The following FTO variants were observed in gnomAD, a reference collection of about 807,000 sequenced individuals.
The protein encoded by FTO is FTO alpha-ketoglutarate dependent dioxygenase.
In FTO, 47 loss-of-function variants were observed where a neutral mutation model predicts 63.9. The observed-to-expected ratio is 0.74, with a 90% confidence interval of 0.58 to 0.94. The LOEUF (loss-of-function observed/expected upper bound fraction) is 0.94. Among genes scored for constraint, FTO ranks in the 40% least tolerant of loss-of-function variants. The probability of loss-of-function intolerance (pLI) is 0.00; values close to 1 mark genes in which losing one functional copy is unlikely to be tolerated. For synonymous variants in FTO, 207 were observed against 224.4 expected (o/e 0.92, Z 0.69); for missense variants, 562 against 618.1 (o/e 0.91, Z 0.96).
At chr16:53,753,381 A>G (rs1017551942) in intron 1 of FTO, among the ~76,000 whole-genome samples, 6 of 151,806 alleles carry the variant, frequency 4.0e-5, no homozygotes, top group Non-Finnish European at 8.8e-5. Context: ...TATAGGATTT[A>G]TAGCTGCTCC....
rs542534780 is a variant in FTO, at chr16:54,023,833, C to A, written c.1365-87929C>A. Among the ~76,000 whole-genome samples the A allele has an allele frequency of 2.8e-3, 422 of 152,210 alleles. 4 individuals are homozygous for A. The highest frequency in any genetic ancestry group is 4.9e-3 in the Non-Finnish European group (332 of 68,016). On this transcript the variant is annotated intron_variant, in intron 8 of 8. Transcript: ENST00000471389. ...ACTCTCCTAATACAGCTATTTTTAC[C>A]TTGAAAGTTAATTTCCAGCCATTGA...
intron 1 of FTO, among the ~76,000 whole-genome samples, chr16:53,710,856 G>C (rs2075754322): frequency 6.6e-6 from 1 of 151,770 alleles, no homozygotes; most frequent in South Asian, 2.1e-4. Flanking sequence ...TTTCCATTTT[G>C]CTGTCATCCA....
At chr16:53,810,259 C>A in intron 2 of FTO, 42 bp downstream of exon 2, 2 of 1,354,504 alleles carry the variant, frequency 1.5e-6, no homozygotes, top group South Asian at 1.2e-5. Flanking sequence ...GTGATGTGTT[C>A]TGATCAACCT....
intron 8 of FTO, chr16:53,998,822 T>C (rs1306063933): frequency 6.6e-6 from 1 of 152,236 alleles, no homozygotes; most frequent in East Asian, 1.9e-4. Context: ...TTACTATTAG[T>C]CTGATTGAAT....
chr16:53,993,290 A>G (rs2083856724), intron 8 of FTO: 1 of 152,240 alleles, frequency 6.6e-6, no homozygotes. Context: ...CCTAAATGTG[A>G]AAGAGGATTC....
intron 1 of FTO, among the ~76,000 whole-genome samples, chr16:53,809,812 A>G (rs2078472675): frequency 6.6e-6 from 1 of 151,968 alleles, no homozygotes; most frequent in Non-Finnish European, 1.5e-5. Flanking sequence ...GCATGGTGGC[A>G]CCGCTGTAGT....
chr16:53,875,861 G>A (rs975440205), intron 5 of FTO, among the ~76,000 whole-genome samples: 1 of 152,220 alleles, frequency 6.6e-6, no homozygotes, highest in Non-Finnish European at 1.5e-5. Flanking sequence ...GCTAAATTTT[G>A]TATTTTTAAT....
intron 8 of FTO, among the ~76,000 whole-genome samples, chr16:53,948,581 C>T (rs961753561): frequency 6.6e-6 from 1 of 152,222 alleles, no homozygotes; most frequent in African/African-American, 2.4e-5. Flanking sequence ...GGCAGCCAGG[C>T]AGCTGCTATC....
intron 8 of FTO, among the ~76,000 whole-genome samples, chr16:54,010,381 G>T (rs1177142457): frequency 6.6e-6 from 1 of 152,100 alleles, no homozygotes; most frequent in Non-Finnish European, 1.5e-5. Context: ...CCTCCAGCCT[G>T]GGTGACAGAG....
At chr16:53,927,882 A>G (rs2082185738) in intron 7 of FTO, among the ~76,000 whole-genome samples, 1 of 152,248 alleles carries the variant, frequency 6.6e-6, no homozygotes, top group Admixed American at 6.5e-5. Flanking sequence ...GTGATTGTTC[A>G]GTGGTTGCCT....
intron 1 of FTO, among the ~76,000 whole-genome samples, chr16:53,751,548 G>C (rs776909149): frequency 3.9e-5 from 6 of 152,102 alleles, no homozygotes; most frequent in Non-Finnish European, 8.8e-5. Flanking sequence ...AGCCAGATAT[G>C]GAAGACTAAT....
At chr16:53,772,828 A>G (rs949532733) in intron 1 of FTO, among the ~76,000 whole-genome samples, 13 of 152,140 alleles carry the variant, frequency 8.5e-5, no homozygotes, top group Non-Finnish European at 1.5e-5. Flanking sequence ...TTATTGTCAT[A>G]TAAATCTTTG....
At chr16:53,812,194 C>T (rs1567317588) in intron 2 of FTO, among the ~76,000 whole-genome samples, 2 of 152,138 alleles carry the variant, frequency 1.3e-5, no homozygotes, top group Non-Finnish European at 2.9e-5. Flanking sequence ...GCTTCCCTGA[C>T]ACCTCTACAA....
intron 1 of FTO, among the ~76,000 whole-genome samples, chr16:53,767,865 T>A (rs2077248472): frequency 6.6e-6 from 1 of 152,136 alleles, no homozygotes; most frequent in Admixed American, 6.5e-5. Context: ...ATATAAAACA[T>A]TTTGACTTTC....
intron 2 of FTO, among the ~76,000 whole-genome samples, chr16:53,823,716 G>A (rs567565674): frequency 5.3e-5 from 8 of 151,926 alleles, no homozygotes; most frequent in African/African-American, 1.2e-4. Context: ...GAGAAACCCC[G>A]TCTCTACTAA....
chr16:53,959,853 CA>C (rs35150918), intron 8 of FTO, among the ~76,000 whole-genome samples: 1 of 151,798 alleles, frequency 6.6e-6, no homozygotes, highest in Non-Finnish European at 1.5e-5. Flanking sequence ...GGAAGATGCC[CA>C]AAAAAGGCTT....
intron 1 of FTO, among the ~76,000 whole-genome samples, chr16:53,762,258 G>C (rs775923759): frequency 6.6e-6 from 1 of 152,208 alleles, no homozygotes; most frequent in Non-Finnish European, 1.5e-5. Context: ...ATTGTTCAGA[G>C]TATGCCTCTC....
intron 7 of FTO, among the ~76,000 whole-genome samples, chr16:53,931,098 T>C (rs2082270210): frequency 1.3e-5 from 2 of 152,066 alleles, no homozygotes; most frequent in South Asian, 4.1e-4. Flanking sequence ...CAAGGGCCCC[T>C]GGATAAAATG....
rs1199518645 is a variant in FTO, at chr16:54,112,927, CAA to C, written c.*1013_*1014del. ...TGATGACATTGGAGACTCAAAGAGA[CAA>C]GAGAGAGTAGGGTTTAAAACCTGAG... On this transcript the variant is annotated 3_prime_UTR_variant, in exon 9 of 9. Transcript: ENST00000471389. 1.3e-5 allele frequency: 2 copies of C among 152,098 alleles called. No homozygotes were observed. The highest frequency in any genetic ancestry group is 6.6e-5 in the Admixed American group (1 of 15,250). 9.4% of individuals were successfully genotyped at this position (152,098 alleles called of 1,614,324 possible).
Sources: gnomAD v4.1 joint callset for allele counts (sites outside exome capture counted in the v4.1 genomes callset) on GRCh38, gnomAD v4.1.1 for gene constraint, MANE v1.5 for transcripts, NCBI Gene and HGNC (gene_info 2026-07-23, HGNC 2026-07-21) for gene names.